Variants in SMYD3 observed in about 807,000 individuals in gnomAD.
SMYD3 encodes the protein histone-lysine N-methyltransferase SMYD3.
A neutral mutation model predicts 57.7 loss-of-function variants in SMYD3; 36 were observed. The ratio of observed to expected loss-of-function variants is 0.62; its 90% CI spans 0.48 to 0.82. The LOEUF is 0.82. Ranked by LOEUF, SMYD3 falls within the 40% of genes least tolerant of loss-of-function variation. The pLI is 0.00. For synonymous variants in SMYD3, 211 were observed against 195.0 expected (o/e 1.08, Z -0.68); for missense variants, 515 against 538.8 (o/e 0.96, Z 0.44).
chr1:246,350,511 C>G (rs995538502), intron 2 of SMYD3, among the ~76,000 whole-genome samples: 1 of 152,088 alleles, frequency 6.6e-6, no homozygotes, highest in Non-Finnish European at 1.5e-5. Flanking sequence ...AAAATCAGCA[C>G]GACATGATGA....
chr1:246,335,374 A>C lies in SMYD3; in HGVS notation c.329T>G (p.Phe110Cys). 6.2e-7 allele frequency: 1 copy of C among 1,614,000 alleles called. No individual in the cohort carries two copies. ...DSVRLLGRVV[F>C]KLMDGAPSES... is the part of the protein sequence containing the mutation. ...CATGAGTTTTATACTCACAAGTTTGAAGACAACTCTGCCAAGAAGTCGAAC... is the reference window on the plus strand; with the variant it reads ...CATGAGTTTTATACTCACAAGTTTGCAGACAACTCTGCCAAGAAGTCGAAC... Residue 110 changes from phenylalanine (F) to cysteine (C), a missense_variant, in exon 3 of 12, where the codon TTC (phenylalanine) becomes TGC (cysteine). Coordinates refer to ENST00000490107, the MANE Select transcript of SMYD3 (RefSeq NM_001167740.2).
At chr1:246,503,325 T>C (rs1180928544) in intron 1 of SMYD3, among the ~76,000 whole-genome samples, 1 of 152,206 alleles carries the variant, frequency 6.6e-6, no homozygotes, top group East Asian at 1.9e-4. Context: ...CAGAAGAAAC[T>C]ATCATTAGAG....
intron 5 of SMYD3, among the ~76,000 whole-genome samples, chr1:246,103,214 T>C (rs927896532): frequency 2.6e-5 from 4 of 152,226 alleles, no homozygotes; most frequent in African/African-American, 9.6e-5. Flanking sequence ...CTAGCTGTTA[T>C]AATACAGAAG....
At chr1:246,159,150 TG>T (rs1200223264) in intron 5 of SMYD3, among the ~76,000 whole-genome samples, 2 of 152,140 alleles carry the variant, frequency 1.3e-5, no homozygotes, top group African/African-American at 2.4e-5. Context: ...TCTAAAGTGC[TG>T]GGGGGAAAGC....
At chr1:246,069,973 C>A (rs558010593) in intron 5 of SMYD3, among the ~76,000 whole-genome samples, 212 of 152,276 alleles carry the variant, frequency 1.4e-3, no homozygotes, top group Non-Finnish European at 2.6e-3. Context: ...TCCCTCTCCC[C>A]GTCAATGAGG....
intron 5 of SMYD3, chr1:245,930,165 A>T: frequency 1.8e-5 from 3 of 169,490 alleles, no homozygotes; most frequent in Admixed American, 1.1e-4. Flanking sequence ...TCCTGGGAGA[A>T]AAAAAAAAAA....
chr1:246,282,581 T>C (rs545809240), intron 5 of SMYD3, among the ~76,000 whole-genome samples: 1 of 151,956 alleles, frequency 6.6e-6, no homozygotes, highest in African/African-American at 2.4e-5. Flanking sequence ...TTTTCTTTTC[T>C]TTTGCTTACC....
intron 1 of SMYD3, among the ~76,000 whole-genome samples, chr1:246,418,496 G>A (rs1295128162): frequency 2.6e-5 from 4 of 152,308 alleles, no homozygotes; most frequent in Admixed American, 1.3e-4. Flanking sequence ...CTAGCCGTCT[G>A]TAGGCAGCTT....
intron 5 of SMYD3, among the ~76,000 whole-genome samples, chr1:245,979,670 T>C (rs866572564): frequency 5.9e-5 from 9 of 152,202 alleles, no homozygotes; most frequent in Admixed American, 2.0e-4. Flanking sequence ...ACCCTCAGAA[T>C]TGTGAAAAAA....
At chr1:246,190,732 A>C (rs563150985) in intron 5 of SMYD3, among the ~76,000 whole-genome samples, 33 of 152,240 alleles carry the variant, frequency 2.2e-4, no homozygotes, top group African/African-American at 7.9e-4. Context: ...CAAAAAGCCA[A>C]CACTATACTA....
intron 5 of SMYD3, among the ~76,000 whole-genome samples, chr1:245,983,363 C>T (rs982227482): frequency 1.3e-5 from 2 of 152,218 alleles, no homozygotes; most frequent in African/African-American, 4.8e-5. Context: ...AATGCTGCTT[C>T]TTTATCCAAA....
At chr1:246,270,341 A>T (rs1476855316) in intron 5 of SMYD3, among the ~76,000 whole-genome samples, 1 of 152,218 alleles carries the variant, frequency 6.6e-6, no homozygotes, top group East Asian at 1.9e-4. Flanking sequence ...TTACTATCTT[A>T]ACCATAGTTA....
At chr1:245,837,149 A>G (rs1372285569) in intron 10 of SMYD3, among the ~76,000 whole-genome samples, 1 of 151,952 alleles carries the variant, frequency 6.6e-6, no homozygotes, top group Non-Finnish European at 1.5e-5. Flanking sequence ...CTACATGGTG[A>G]AACCCCATCT....
chr1:246,301,321 T>A (rs2064888850), intron 5 of SMYD3, among the ~76,000 whole-genome samples: 1 of 152,102 alleles, frequency 6.6e-6, no homozygotes, highest in African/African-American at 2.4e-5. Flanking sequence ...AATGTTCAAT[T>A]CTCGTGCAGG....
At chr1:245,973,246 T>C (rs996481138) in intron 5 of SMYD3, among the ~76,000 whole-genome samples, 3 of 152,210 alleles carry the variant, frequency 2.0e-5, no homozygotes, top group African/African-American at 4.8e-5. Flanking sequence ...AAAACAGCCA[T>C]CATCATTGTT....
chr1:246,358,610 G>C (rs1187056658), intron 1 of SMYD3, among the ~76,000 whole-genome samples: 3 of 152,056 alleles, frequency 2.0e-5, no homozygotes, highest in African/African-American at 7.2e-5. Context: ...ATTATATCAA[G>C]TACTCTCTCA....
chr1:245,835,337 C>A lies in SMYD3; in HGVS notation c.1076+23159G>T, dbSNP rs144927111. ...GTTTCACCATGTTGGCCAAGATGGT[C>A]TCGATCTCTTGACCTCGTGATCTGC... On this transcript the variant is annotated intron_variant, in intron 10 of 11. Transcript: ENST00000490107. Among the ~76,000 whole-genome samples, 533 of 152,150 alleles carry A rather than the reference C, an allele frequency of 3.5e-3. 2 individuals are homozygous for A. The highest frequency in any genetic ancestry group is 0.012 in the African/African-American group (488 of 41,514).
At chr1:246,340,005 CA>C (rs112290606) in intron 2 of SMYD3, among the ~76,000 whole-genome samples, 3,612 of 152,120 alleles carry the variant, frequency 0.024, 139 homozygotes, top group African/African-American at 0.082. Context: ...AATAGCAGCA[CA>C]AAAACAGATC....
chr1:246,339,124 GA>G (rs1422017273), intron 2 of SMYD3, among the ~76,000 whole-genome samples: 1 of 152,110 alleles, frequency 6.6e-6, no homozygotes, highest in African/African-American at 2.4e-5. Context: ...TAAATCAAAG[GA>G]AGACTGTATT....
Sources: allele counts gnomAD v4.1 joint callset (sites outside exome capture counted in the v4.1 genomes callset), GRCh38; gene constraint gnomAD v4.1.1; transcripts MANE v1.5; gene names NCBI Gene and HGNC (gene_info 2026-07-23, HGNC 2026-07-21).